The following CACNB2 variants were observed in gnomAD, a reference collection of about 807,000 sequenced individuals.
The protein encoded by CACNB2 is voltage-dependent L-type calcium channel subunit beta-2.
Under a neutral mutation model 73.3 loss-of-function variants are expected in CACNB2, and 42 were observed. The observed-to-expected ratio is 0.57, with a 90% CI of 0.45 to 0.74. The LOEUF (loss-of-function observed/expected upper bound fraction) is 0.74, where lower values mean the gene tolerates loss of function less well. Among genes scored for constraint, CACNB2 ranks in the 30% least tolerant of loss-of-function variants. The pLI, the probability that CACNB2 is intolerant of heterozygous loss-of-function variation, is 0.00. For missense variants in CACNB2, 940 were observed against 853.0 expected (o/e 1.10, Z -1.27); for synonymous variants, 348 against 310.3 (o/e 1.12, Z -1.28).
chr10:18,462,439 A>T (rs1357924268), intron 3 of CACNB2, among the ~76,000 whole-genome samples: 1 of 152,174 alleles, frequency 6.6e-6, no homozygotes, highest in Non-Finnish European at 1.5e-5. Flanking sequence ...TTTTTTGTAG[A>T]GATGGGGTCT....
intron 2 of CACNB2, among the ~76,000 whole-genome samples, chr10:18,233,227 G>A (rs2036292394): frequency 6.6e-6 from 1 of 152,176 alleles, no homozygotes; most frequent in Non-Finnish European, 1.5e-5. Context: ...CCTGTCTCAA[G>A]ATTTACTGTC....
intron 6 of CACNB2, among the ~76,000 whole-genome samples, chr10:18,509,782 C>A (rs996472643): frequency 6.6e-6 from 1 of 151,820 alleles, no homozygotes; most frequent in Non-Finnish European, 1.5e-5. Flanking sequence ...AGAGGGAGAC[C>A]CTGTCTCAAA....
At chr10:18,359,421 G>A (rs894363882) in intron 2 of CACNB2, among the ~76,000 whole-genome samples, 1 of 151,932 alleles carries the variant, frequency 6.6e-6, no homozygotes, top group African/African-American at 2.4e-5. Context: ...ACAGGTGTGT[G>A]CCACCATGCC....
At chr10:18,414,119 C>A (rs1027434773) in intron 3 of CACNB2, among the ~76,000 whole-genome samples, 14 of 152,242 alleles carry the variant, frequency 9.2e-5, no homozygotes, top group Admixed American at 5.2e-4. Flanking sequence ...CATTGACACA[C>A]TTGCTTGATC....
At chr10:18,216,574 A>G (rs990049778) in intron 2 of CACNB2, among the ~76,000 whole-genome samples, 2 of 140,446 alleles carry the variant, frequency 1.4e-5, no homozygotes, top group African/African-American at 5.1e-5. Flanking sequence ...GTTTATAGAC[A>G]CTTAGTTTTT....
chr10:18,422,079 T>C (rs1239219047), intron 3 of CACNB2, among the ~76,000 whole-genome samples: 1 of 152,258 alleles, frequency 6.6e-6, no homozygotes, highest in Non-Finnish European at 1.5e-5. Flanking sequence ...GATTTTGTAA[T>C]GGTCTAGACG....
Position 18,540,126 on chromosome 10 carries a change from C to T in CACNB2, c.*402C>T, listed in dbSNP as rs143933430. The T allele has an allele frequency of 3.2e-4, 66 of 203,124 alleles. No individual in the cohort carries two copies. Among genetic ancestry groups the T allele is most frequent in the African/African-American group, 1.0e-3 (43 of 42,518 alleles). 12.6% of individuals were successfully genotyped at this position (203,124 alleles called of 1,614,324 possible). ...TCTCCAGATTTTTAATACGTTAATACGCAGGCATCTGATTTGCATATTCAT... is the reference window on the plus strand; with the variant it reads ...TCTCCAGATTTTTAATACGTTAATATGCAGGCATCTGATTTGCATATTCAT... On this transcript the variant is annotated 3_prime_UTR_variant, in exon 14 of 14. Coordinates refer to ENST00000324631, the MANE Select transcript of CACNB2 (RefSeq NM_201596.3).
At chr10:18,497,007 T>A (rs2049872013) in intron 3 of CACNB2, among the ~76,000 whole-genome samples, 1 of 150,888 alleles carries the variant, frequency 6.6e-6, no homozygotes, top group African/African-American at 2.4e-5. Context: ...GGTCAGGGGT[T>A]CGAGACCAGC....
chr10:18,428,425 G>T (rs753896717), intron 3 of CACNB2, among the ~76,000 whole-genome samples: 2 of 152,018 alleles, frequency 1.3e-5, no homozygotes, highest in Non-Finnish European at 2.9e-5. Context: ...GGTGGCTCAC[G>T]CCTGTAATCC....
intron 2 of CACNB2, chr10:18,340,899 T>G (rs771081194): frequency 6.8e-6 from 11 of 1,613,938 alleles, no homozygotes; most frequent in Non-Finnish European, 9.3e-6. Context: ...CCTGCTGGAG[T>G]GCTGGGCGCA....
At chr10:18,311,179 C>T (rs552992544) in intron 2 of CACNB2, among the ~76,000 whole-genome samples, 1 of 152,110 alleles carries the variant, frequency 6.6e-6, no homozygotes, top group East Asian at 1.9e-4. Flanking sequence ...TTATTTTGGA[C>T]CTTTTAGGCT....
At chr10:18,160,685 T>C (rs868346046) in intron 2 of CACNB2, among the ~76,000 whole-genome samples, 1 of 152,192 alleles carries the variant, frequency 6.6e-6, no homozygotes, top group South Asian at 2.1e-4. Flanking sequence ...TAGTTATTCT[T>C]GTGTCTCAGG....
At chr10:18,150,823 C>T (rs2031453654) in intron 1 of CACNB2, 60 bp from the exon 2 acceptor site, 1 of 1,085,318 alleles carries the variant, frequency 9.2e-7, no homozygotes, top group Non-Finnish European at 1.3e-6. Flanking sequence ...GCCTACATTC[C>T]TGTTAAAGGG....
At chr10:18,330,459 T>C (rs1041508955) in intron 2 of CACNB2, among the ~76,000 whole-genome samples, 1 of 152,114 alleles carries the variant, frequency 6.6e-6, no homozygotes, top group Non-Finnish European at 1.5e-5. Context: ...AAGACCATCC[T>C]GAGCATAGCA....
intron 3 of CACNB2, among the ~76,000 whole-genome samples, chr10:18,432,834 A>AG (rs1482462350): frequency 1.0e-5 from 1 of 98,776 alleles, no homozygotes; most frequent in African/African-American, 5.7e-5. Context: ...CCCTGTCTAA[A>AG]AAAACAAACA....
At chr10:18,527,487 C>G in intron 9 of CACNB2, 101 bp from the exon 10 acceptor site, 1 of 779,604 alleles carries the variant, frequency 1.3e-6, no homozygotes, top group Non-Finnish European at 2.3e-6. Context: ...AATATGGTTG[C>G]TATATATATT....
chr10:18,176,178 T>A (rs80270413), intron 2 of CACNB2, among the ~76,000 whole-genome samples: 1,943 of 152,244 alleles, frequency 0.013, 45 homozygotes, highest in African/African-American at 0.045. Flanking sequence ...CCAGTGCATA[T>A]TTGGCTTTGT....
At chr10:18,533,907 C>A (rs550448919) in intron 10 of CACNB2, among the ~76,000 whole-genome samples, 169 bp from the exon 11 acceptor site, 2 of 152,216 alleles carry the variant, frequency 1.3e-5, no homozygotes, top group Non-Finnish European at 2.9e-5. Flanking sequence ...TGTGGAGAAA[C>A]AGCCCTTTCC....
At chr10:18,247,305 C>G (rs1218047614) in intron 2 of CACNB2, among the ~76,000 whole-genome samples, 1 of 152,138 alleles carries the variant, frequency 6.6e-6, no homozygotes, top group Admixed American at 6.5e-5. Context: ...TATCTTTTTC[C>G]TTGATCAGTC....
Sources: allele counts gnomAD v4.1 joint callset (sites outside exome capture counted in the v4.1 genomes callset), GRCh38; gene constraint gnomAD v4.1.1; transcripts MANE v1.5; gene names NCBI Gene and HGNC (gene_info 2026-07-23, HGNC 2026-07-21).